VPS13D: variants seen among roughly 807,000 people sequenced by gnomAD.
The protein encoded by VPS13D is intermembrane lipid transfer protein VPS13D.
In VPS13D, 187 loss-of-function variants were observed where a neutral mutation model predicts 461.9. The observed-to-expected ratio is 0.40, with a 90% confidence interval of 0.36 to 0.46. The LOEUF (loss-of-function observed/expected upper bound fraction) is 0.46, where lower values mean the gene tolerates loss of function less well. VPS13D is among the 20% of genes least tolerant of loss of function. The pLI is 0.60. For missense variants in VPS13D, 4,711 were observed against 5,364.9 expected (o/e 0.88, Z 3.81); for synonymous variants, 1,951 against 1,986.3 (o/e 0.98, Z 0.47).
At chr1:12,486,678 G>GGTTCTTGA (rs1271986817) in intron 67 of VPS13D, among the ~76,000 whole-genome samples, 5 of 152,178 alleles carry the variant, frequency 3.3e-5, no homozygotes, top group Admixed American at 3.3e-4. Context: ...GTACTCCAGG[G>GGTTCTTGA]GTTCTTGAGT....
At chr1:12,389,070 G>A (rs550712606) in intron 60 of VPS13D, among the ~76,000 whole-genome samples, 17 of 152,310 alleles carry the variant, frequency 1.1e-4, no homozygotes, top group Non-Finnish European at 2.1e-4. Context: ...GAACCAGTCC[G>A]AGTCCCAAAA....
At chr1:12,317,101 A>G (rs766137542) in intron 30 of VPS13D, among the ~76,000 whole-genome samples, 1 of 147,796 alleles carries the variant, frequency 6.8e-6, no homozygotes, top group Non-Finnish European at 1.5e-5. Flanking sequence ...CTGGGCTGTC[A>G]GGTCAGTTTC....
rs1646095457 is a variant in VPS13D, at chr1:12,505,663, A to C, written c.12795-1190A>C. ...TTATCCAGGACATGTGGAAAGAATGAGTTTGTGCTTGGCCATGCTTTGGGG... is the reference window on the plus strand; with the variant it reads ...TTATCCAGGACATGTGGAAAGAATGCGTTTGTGCTTGGCCATGCTTTGGGG... On this transcript the variant is annotated intron_variant, in intron 68 of 69. Transcript: ENST00000620676. This position sits in a 1 kb window ranked among gnomAD's most constrained non-coding sequence, Gnocchi z 4.2. Among the ~76,000 whole-genome samples the C allele has an allele frequency of 6.6e-6, 1 of 152,166 alleles. No homozygotes were observed. Among genetic ancestry groups the C allele is most frequent in the African/African-American group, 2.4e-5 (1 of 41,420 alleles).
chr1:12,276,963 T>C lies in VPS13D; in HGVS notation c.3375T>C (p.Phe1125=), dbSNP rs1641633051. Reference sequence around the variant, plus strand: ...AGACGATTGTGGAGCTAATTGGTTTTCTTCAAAAATCCTTTCCCAAGGAAA... The same window carrying C: ...AGACGATTGTGGAGCTAATTGGTTTCCTTCAAAAATCCTTTCCCAAGGAAA... ...NPETIVELIG[F]LQKSFPKEKD... is the part of the protein sequence containing the mutation. The change falls in exon 19 of 70, where the codon TTT becomes TTC. Residue 1125 remains phenylalanine (F), a synonymous_variant. Coordinates refer to ENST00000620676, the MANE Select transcript of VPS13D (RefSeq NM_015378.4). The surrounding 1 kb of genome is among the most constrained non-coding windows in gnomAD (Gnocchi z 4.5). 2 of 1,614,128 alleles carry C rather than the reference T, an allele frequency of 1.2e-6. No individual in the cohort carries two copies. Among genetic ancestry groups the C allele is most frequent in the Admixed American group, 1.7e-5 (1 of 60,014 alleles).
intron 54 of VPS13D, among the ~76,000 whole-genome samples, chr1:12,370,862 T>C (rs1003249279): frequency 2.0e-5 from 3 of 152,182 alleles, no homozygotes; most frequent in Admixed American, 2.0e-4. Context: ...ATTATGGGCT[T>C]AATGGGTTGA....
chr1:12,339,073 G>T (rs1451385773), intron 40 of VPS13D, among the ~76,000 whole-genome samples: 2 of 151,826 alleles, frequency 1.3e-5, no homozygotes, highest in Admixed American at 1.3e-4. Flanking sequence ...GAACAGGGAT[G>T]TTAATACTCA....
At chr1:12,309,998 C>T (rs1642688273) in intron 27 of VPS13D, among the ~76,000 whole-genome samples, 1 of 152,052 alleles carries the variant, frequency 6.6e-6, no homozygotes, top group Non-Finnish European at 1.5e-5. Flanking sequence ...TTATGGTTGG[C>T]ATGGGCTATA....
At chr1:12,240,765 C>T (rs534363947) in intron 2 of VPS13D, among the ~76,000 whole-genome samples, 19 of 129,764 alleles carry the variant, frequency 1.5e-4, no homozygotes, top group Non-Finnish European at 2.0e-4. Flanking sequence ...GGGGTTGTTT[C>T]GCTGGGGTTA....
intron 1 of VPS13D, among the ~76,000 whole-genome samples, chr1:12,231,691 T>A (rs533483287): frequency 1.3e-5 from 2 of 152,206 alleles, no homozygotes; most frequent in Non-Finnish European, 2.9e-5. Context: ...ATTTACTCCT[T>A]TCAAGTTATA....
intron 60 of VPS13D, among the ~76,000 whole-genome samples, chr1:12,388,701 G>A (rs1441124664): frequency 2.6e-5 from 4 of 152,030 alleles, no homozygotes; most frequent in Admixed American, 2.6e-4. Flanking sequence ...CAAACCTAAT[G>A]GTATCAATTA....
chr1:12,288,702 A>G (rs534489878), intron 22 of VPS13D, among the ~76,000 whole-genome samples: 1 of 151,842 alleles, frequency 6.6e-6, no homozygotes, highest in Non-Finnish European at 1.5e-5. Context: ...CATTAATATA[A>G]TTACCCCTAG....
intron 1 of VPS13D, among the ~76,000 whole-genome samples, chr1:12,231,997 GA>G (rs1161139625): frequency 6.6e-6 from 1 of 151,798 alleles, no homozygotes; most frequent in Non-Finnish European, 1.5e-5. Context: ...TCTGTCTCCA[GA>G]AAAAAAAGTT....
intron 60 of VPS13D, among the ~76,000 whole-genome samples, chr1:12,393,730 T>TCCATTTGGCCTTTCCCA (rs1644459260): frequency 6.6e-6 from 1 of 152,174 alleles, no homozygotes. Flanking sequence ...TCTAAGGGCT[T>TCCATTTGGCCTTTCCCA]CCATTTGGCC....
At position 12,318,057 on chromosome 1, in the gene VPS13D, G is replaced by T. The variant is rs1399107644; in HGVS notation, c.7149-15G>T. ...TCTTTTTTCCTATTTATTTTCTCCT[G>T]TCTTCTTTTTATAGATCTACCAAGG... On this transcript the variant is annotated splice_polypyrimidine_tract_variant and intron_variant, in intron 30 of 69. Coordinates refer to ENST00000620676, the MANE Select transcript of VPS13D (RefSeq NM_015378.4). The T allele has an allele frequency of 1.3e-6, 2 of 1,591,862 alleles. No homozygotes were observed. Among genetic ancestry groups the T allele is most frequent in the Admixed American group, 1.7e-5 (1 of 58,138 alleles).
chr1:12,279,768 C>A lies in VPS13D; in HGVS notation c.4602+118C>A. 8.0e-6 allele frequency: 7 copies of A among 876,352 alleles called. No homozygotes were observed. The East Asian group carries it at 9.4e-5, about 12-fold the overall frequency. 54.3% of individuals were successfully genotyped at this position (876,352 alleles called of 1,614,324 possible). On this transcript the variant is annotated intron_variant, in intron 20 of 69. Coordinates refer to ENST00000620676, the MANE Select transcript of VPS13D (RefSeq NM_015378.4). This position sits in a 1 kb window ranked among gnomAD's most constrained non-coding sequence, Gnocchi z 4.3. Reference sequence around the variant, plus strand: ...TATATATTTTCAAAGATATATCACCCATGCATAATACCATTGTTGAAACCT... The same window carrying A: ...TATATATTTTCAAAGATATATCACCAATGCATAATACCATTGTTGAAACCT...
intron 9 of VPS13D, 89 bp downstream of exon 9, chr1:12,257,176 A>T: frequency 8.5e-7 from 1 of 1,179,140 alleles, no homozygotes; most frequent in Non-Finnish European, 1.3e-6. Context: ...ACTGTCCTTT[A>T]CCCATGTTTG....
intron 28 of VPS13D, 72 bp downstream of exon 28, chr1:12,311,697 C>G: frequency 2.5e-6 from 4 of 1,591,454 alleles, no homozygotes; most frequent in Non-Finnish European, 3.4e-6. Context: ...ATCTATTCCT[C>G]AAACTCACTT....
chr1:12,400,139 GTC>G, intron 60 of VPS13D, 40 bp from the exon 61 acceptor site: 1 of 1,601,146 alleles, frequency 6.2e-7, no homozygotes, highest in South Asian at 1.1e-5. Flanking sequence ...TGAGCCACTG[GTC>G]TGTTTTTGTT....
chr1:12,334,756 C>T (rs961496215), intron 38 of VPS13D, among the ~76,000 whole-genome samples: 1 of 152,194 alleles, frequency 6.6e-6, no homozygotes, highest in East Asian at 1.9e-4. Flanking sequence ...CAGAGCAAGA[C>T]CCTGTCTCTA....
Sources: allele counts gnomAD v4.1 joint callset (sites outside exome capture counted in the v4.1 genomes callset), GRCh38; gene constraint gnomAD v4.1.1; non-coding constraint Gnocchi (gnomAD v3.1); transcripts MANE v1.5; gene names NCBI Gene and HGNC (gene_info 2026-07-23, HGNC 2026-07-21).